The following FGF14 variants were observed in gnomAD, a reference collection of about 807,000 sequenced individuals.
The protein encoded by FGF14 is fibroblast growth factor homologous factor 4.
In FGF14, 5 loss-of-function variants were observed where a neutral mutation model predicts 25.5. The ratio of observed to expected loss-of-function variants is 0.20; its 90% confidence interval spans 0.10 to 0.41. The LOEUF (loss-of-function observed/expected upper bound fraction) is 0.41. FGF14 is among the 10% of genes least tolerant of loss of function. The pLI, the probability that FGF14 is intolerant of heterozygous loss-of-function variation, is 1.00. For synonymous variants in FGF14, 138 were observed against 118.3 expected, an observed-to-expected ratio of 1.17 and a Z score of -1.08; for missense variants, 222 against 320.1, an observed-to-expected ratio of 0.69 and a Z score of 2.34.
At chr13:102,334,312 G>A (rs905999609) in intron 1 of FGF14, among the ~76,000 whole-genome samples, 1 of 152,162 alleles carries the variant, frequency 6.6e-6, no homozygotes, top group African/African-American at 2.4e-5. Flanking sequence ...GATTCCGTGA[G>A]TCAAGAAAAA....
intron 1 of FGF14, among the ~76,000 whole-genome samples, chr13:101,961,036 GA>G (rs2036824292): frequency 2.0e-5 from 3 of 151,810 alleles, no homozygotes; most frequent in Admixed American, 2.0e-4. Context: ...TTTTTAATGG[GA>G]TTTTTTTGTA....
At chr13:102,326,174 G>A (rs1296109215) in intron 1 of FGF14, among the ~76,000 whole-genome samples, 1 of 152,026 alleles carries the variant, frequency 6.6e-6, no homozygotes, top group Admixed American at 6.6e-5. Flanking sequence ...AGAAGCCCAG[G>A]AATAACAATC....
Position 101,776,304 on chromosome 13 carries a change from G to T in FGF14, c.409-49494C>A, listed in dbSNP as rs538203751. 4.6e-5 allele frequency among the ~76,000 whole-genome samples: 7 copies of T among 152,252 alleles called. No homozygotes were observed. In the South Asian group the frequency reaches 1.5e-3, roughly 32 times the overall value. ...TCCTCTGGAAAGGTAGATGTTCCGT[G>T]AAACGCCAAAATGAAAATTACCTGG... On this transcript the variant is annotated intron_variant, in intron 3 of 4. Coordinates refer to ENST00000376143, the MANE Select transcript of FGF14 (RefSeq NM_004115.4).
At chr13:102,393,637 G>A (rs2058489792) in intron 1 of FGF14, 1 of 152,164 alleles carries the variant, frequency 6.6e-6, no homozygotes, top group African/African-American at 2.4e-5. Flanking sequence ...GGAATATAAT[G>A]GATAAATGGA....
chr13:101,780,946 C>A (rs573469990), intron 3 of FGF14, among the ~76,000 whole-genome samples: 2 of 152,246 alleles, frequency 1.3e-5, no homozygotes, highest in South Asian at 4.2e-4. Flanking sequence ...GCATGGCCTT[C>A]CCACTGCTGA....
At chr13:101,975,999 T>G (rs975459912) in intron 1 of FGF14, among the ~76,000 whole-genome samples, 1 of 152,218 alleles carries the variant, frequency 6.6e-6, no homozygotes, top group Non-Finnish European at 1.5e-5. Context: ...TTTGCCTGCA[T>G]TAAAGTCCAG....
intron 1 of FGF14, among the ~76,000 whole-genome samples, chr13:102,157,884 A>G (rs1477630145): frequency 1.3e-5 from 2 of 152,264 alleles, no homozygotes; most frequent in African/African-American, 2.4e-5. Context: ...ACTTCTCCAA[A>G]GAAGACATTT....
At chr13:101,960,656 C>G (rs118105753) in intron 1 of FGF14, among the ~76,000 whole-genome samples, 2 of 152,058 alleles carry the variant, frequency 1.3e-5, no homozygotes, top group Non-Finnish European at 2.9e-5. Context: ...TGAACATACA[C>G]GTATATATAT....
intron 1 of FGF14, among the ~76,000 whole-genome samples, chr13:101,943,820 A>ATATATATATATATAT (rs1555324427): frequency 3.3e-5 from 4 of 121,162 alleles, no homozygotes; most frequent in African/African-American, 2.5e-4. Flanking sequence ...CTTAAAAAAA[A>ATATATATATATATAT]AAAAAAATAT....
At chr13:101,982,465 C>T (rs1161744696) in intron 1 of FGF14, among the ~76,000 whole-genome samples, 2 of 152,112 alleles carry the variant, frequency 1.3e-5, no homozygotes, top group Non-Finnish European at 2.9e-5. Context: ...TGAATACTGC[C>T]ATATTCTAGA....
At chr13:102,219,893 T>C (rs903480282) in intron 1 of FGF14, among the ~76,000 whole-genome samples, 11 of 152,178 alleles carry the variant, frequency 7.2e-5, no homozygotes, top group African/African-American at 2.4e-4. Flanking sequence ...TTGTTAACAG[T>C]AGCATTTATA....
intron 1 of FGF14, among the ~76,000 whole-genome samples, chr13:102,185,678 A>T (rs2048847805): frequency 6.6e-6 from 1 of 152,216 alleles, no homozygotes; most frequent in Non-Finnish European, 1.5e-5. Flanking sequence ...AATTTAGAGA[A>T]GCCACATGAT....
chr13:102,154,612 C>T (rs1467744464), intron 1 of FGF14, among the ~76,000 whole-genome samples: 15 of 152,170 alleles, frequency 9.9e-5, no homozygotes, highest in East Asian at 7.7e-4. Flanking sequence ...CATCAACTAA[C>T]GAGCAAAATA....
intron 3 of FGF14, among the ~76,000 whole-genome samples, chr13:101,743,180 G>A (rs1393492854): frequency 1.3e-5 from 2 of 152,150 alleles, no homozygotes; most frequent in African/African-American, 2.4e-5. Flanking sequence ...AGTACCTCCC[G>A]AGGCTGTCAC....
At chr13:102,176,466 T>A (rs2048455001) in intron 1 of FGF14, among the ~76,000 whole-genome samples, 2 of 152,118 alleles carry the variant, frequency 1.3e-5, no homozygotes, top group Non-Finnish European at 2.9e-5. Flanking sequence ...GCCTATTGGT[T>A]ACAATGTTCA....
intron 1 of FGF14, among the ~76,000 whole-genome samples, chr13:102,360,487 T>A (rs976094321): frequency 3.3e-5 from 5 of 152,086 alleles, no homozygotes; most frequent in Admixed American, 3.3e-4. Flanking sequence ...CTTGACTGTG[T>A]CCATTAAAAA....
intron 1 of FGF14, among the ~76,000 whole-genome samples, chr13:102,009,782 C>G (rs747181038): frequency 6.6e-6 from 1 of 152,082 alleles, no homozygotes; most frequent in African/African-American, 2.4e-5. Flanking sequence ...TACTAGATTT[C>G]CAAAGGAAAT....
intron 1 of FGF14, among the ~76,000 whole-genome samples, chr13:102,028,281 C>T (rs1239253755): frequency 2.6e-5 from 4 of 151,960 alleles, no homozygotes; most frequent in Non-Finnish European, 5.9e-5. Context: ...GATTAAGTCA[C>T]GAGGGCAGAG....
At position 102,353,304 on chromosome 13, in the gene FGF14, T is replaced by C. The variant is rs2057339160; in HGVS notation, c.208+48167A>G. On this transcript the variant is annotated intron_variant, in intron 1 of 4. Transcript: ENST00000376131. ...TCACCATCCAAGTCTTCACTGTTGG[T>C]GTCATTCAAAGTTCTGTGTATCATT... 2.0e-5 allele frequency among the ~76,000 whole-genome samples: 3 copies of C among 152,260 alleles called. No individual in the cohort carries two copies. The South Asian group carries it at 6.2e-4, about 32-fold the overall frequency.
Sources: gnomAD v4.1 joint callset for allele counts (sites outside exome capture counted in the v4.1 genomes callset) on GRCh38, gnomAD v4.1.1 for gene constraint, MANE v1.5 for transcripts, NCBI Gene and HGNC (gene_info 2026-07-23, HGNC 2026-07-21) for gene names.